OLFM3: variants seen among roughly 807,000 people sequenced by gnomAD.
The protein encoded by OLFM3 is noelin-3.
Under a neutral mutation model 48.6 loss-of-function variants are expected in OLFM3, and 20 were observed. The observed-to-expected ratio is 0.41, with a 90% confidence interval of 0.29 to 0.60. The LOEUF (loss-of-function observed/expected upper bound fraction) is 0.60. Among genes scored for constraint, OLFM3 ranks in the 20% least tolerant of loss-of-function variants. The pLI is 0.28. For missense variants in OLFM3, 437 were observed against 544.3 expected, an observed-to-expected ratio of 0.80 and a Z score of 1.96; for synonymous variants, 222 against 198.1, an observed-to-expected ratio of 1.12 and a Z score of -1.01.
chr1:101,996,022 T>C (rs2101127932), intron 1 of OLFM3, among the ~76,000 whole-genome samples: 1 of 152,316 alleles, frequency 6.6e-6, no homozygotes, highest in Non-Finnish European at 1.5e-5. Context: ...TTCACTTTCA[T>C]TGCCAGTACT....
chr1:101,908,855 G>C (rs950365516), intron 1 of OLFM3, among the ~76,000 whole-genome samples: 2 of 152,110 alleles, frequency 1.3e-5, no homozygotes, highest in Admixed American at 6.5e-5. Context: ...CAGAAAGCTG[G>C]AAGAGCCAAA....
intron 1 of OLFM3, among the ~76,000 whole-genome samples, chr1:101,851,209 T>G (rs576354782): frequency 1.2e-4 from 18 of 152,234 alleles, no homozygotes; most frequent in Admixed American, 3.9e-4. Flanking sequence ...AAAAGCAGTT[T>G]AGTGGATAGT....
chr1:101,853,387 T>C (rs1192340496), intron 1 of OLFM3, among the ~76,000 whole-genome samples: 2 of 152,086 alleles, frequency 1.3e-5, no homozygotes, highest in Non-Finnish European at 2.9e-5. Flanking sequence ...CTATCTAAAA[T>C]GTCTACTCTT....
At chr1:101,949,226 T>C (rs112556690) in intron 1 of OLFM3, among the ~76,000 whole-genome samples, 3 of 152,290 alleles carry the variant, frequency 2.0e-5, no homozygotes, top group Non-Finnish European at 1.5e-5. Context: ...CCTACCTCAC[T>C]GCAAGCTCCT....
chr1:101,966,142 AT>A (rs1305023179), intron 1 of OLFM3, among the ~76,000 whole-genome samples: 2 of 151,750 alleles, frequency 1.3e-5, no homozygotes, highest in African/African-American at 2.4e-5. Flanking sequence ...ACCTTCTCAT[AT>A]GTTTTTTATT....
chr1:101,993,252 C>A (rs1487872180), intron 1 of OLFM3, among the ~76,000 whole-genome samples: 2 of 152,080 alleles, frequency 1.3e-5, no homozygotes, highest in Non-Finnish European at 2.9e-5. Context: ...GGTTCTGATT[C>A]ACAGGGATTA....
intron 1 of OLFM3, among the ~76,000 whole-genome samples, chr1:101,890,940 C>T (rs898132921): frequency 4.6e-5 from 7 of 151,942 alleles, no homozygotes; most frequent in African/African-American, 1.7e-4. Context: ...GCAAATATTT[C>T]CACTTTTCCG....
chr1:101,972,176 T>A (rs1387765419), intron 1 of OLFM3, among the ~76,000 whole-genome samples: 1 of 152,244 alleles, frequency 6.6e-6, no homozygotes. Flanking sequence ...AAAGTAATGA[T>A]AATGTGGCAC....
intron 1 of OLFM3, among the ~76,000 whole-genome samples, chr1:101,874,825 G>A (rs1400589737): frequency 6.6e-6 from 1 of 151,966 alleles, no homozygotes; most frequent in Admixed American, 6.6e-5. Flanking sequence ...ATAGGGGCAT[G>A]GATCTAGTCT....
chr1:101,924,920 ATTT>A (rs1356632226), intron 1 of OLFM3, among the ~76,000 whole-genome samples: 1 of 152,208 alleles, frequency 6.6e-6, no homozygotes, highest in Non-Finnish European at 1.5e-5. Flanking sequence ...GTTGAAGGCA[ATTT>A]GTAAGAAGGA....
intron 1 of OLFM3, among the ~76,000 whole-genome samples, chr1:101,859,270 T>C (rs1489466754): frequency 2.0e-5 from 3 of 152,088 alleles, no homozygotes; most frequent in African/African-American, 7.3e-5. Context: ...CAAACCAGTT[T>C]GTTATTTAGA....
chr1:101,886,544 T>C (rs953869951), intron 1 of OLFM3, among the ~76,000 whole-genome samples: 2 of 152,060 alleles, frequency 1.3e-5, no homozygotes, highest in African/African-American at 4.8e-5. Context: ...ATCCAAGGCA[T>C]AGCATGTTAG....
At position 101,873,165 on chromosome 1, in the gene OLFM3, T is replaced by C. The variant is rs375453551; in HGVS notation, c.70-36140A>G. Reference sequence around the variant, plus strand: ...AACTGAATGGCTTCATAGAATGTGATAATAAAAACATGAGCATGAGAAGAG... The same window carrying C: ...AACTGAATGGCTTCATAGAATGTGACAATAAAAACATGAGCATGAGAAGAG... On this transcript the variant is annotated intron_variant, in intron 1 of 5. Coordinates refer to ENST00000370103, the MANE Select transcript of OLFM3 (RefSeq NM_058170.4). Among the ~76,000 whole-genome samples the C allele has an allele frequency of 6.6e-5, 10 of 152,034 alleles. No homozygotes were observed. The East Asian group carries it at 1.9e-3, about 29-fold the overall frequency.
At chr1:101,977,982 T>C (rs1377976102) in intron 1 of OLFM3, among the ~76,000 whole-genome samples, 1 of 152,124 alleles carries the variant, frequency 6.6e-6, no homozygotes, top group African/African-American at 2.4e-5. Context: ...ACTGAATAAG[T>C]AGCATCAGGT....
chr1:101,962,661 GAAATTATCTT>G (rs1331405581), intron 1 of OLFM3, among the ~76,000 whole-genome samples: 1 of 152,044 alleles, frequency 6.6e-6, no homozygotes, highest in African/African-American at 2.4e-5. Context: ...TCTTGATTAA[GAAATTATCTT>G]GTCCCTTATA....
chr1:101,986,127 G>A (rs769530485), intron 1 of OLFM3, among the ~76,000 whole-genome samples: 3 of 151,882 alleles, frequency 2.0e-5, no homozygotes, highest in South Asian at 2.1e-4. Context: ...CACCACGCCC[G>A]GCTAATTTTT....
intron 1 of OLFM3, among the ~76,000 whole-genome samples, chr1:101,977,670 C>T (rs889061769): frequency 1.3e-5 from 2 of 151,976 alleles, no homozygotes; most frequent in African/African-American, 4.8e-5. Context: ...GTCCTTTCAC[C>T]TCTCTTTAGT....
chr1:101,850,832 A>T (rs374201615), intron 1 of OLFM3, among the ~76,000 whole-genome samples: 1 of 152,140 alleles, frequency 6.6e-6, no homozygotes, highest in African/African-American at 2.4e-5. Context: ...AAATTTGTAA[A>T]TGGCTTCAGG....
intron 1 of OLFM3, among the ~76,000 whole-genome samples, chr1:101,915,795 A>G (rs1419598220): frequency 1.3e-5 from 2 of 152,166 alleles, no homozygotes; most frequent in Non-Finnish European, 2.9e-5. Flanking sequence ...CTATTCTGAA[A>G]ATAGATCATT....
Sources: allele counts gnomAD v4.1 joint callset (sites outside exome capture counted in the v4.1 genomes callset), GRCh38; gene constraint gnomAD v4.1.1; transcripts MANE v1.5; gene names NCBI Gene and HGNC (gene_info 2026-07-23, HGNC 2026-07-21).